Variants in KATNIP observed in about 807,000 individuals in gnomAD.
The protein encoded by KATNIP is katanin interacting protein, also known as katanin-interacting protein.
Under a neutral mutation model 174.0 loss-of-function variants are expected in KATNIP, and 126 were observed. That is an observed-to-expected ratio of 0.72 (90% confidence interval 0.63 to 0.84). The LOEUF is 0.84. KATNIP is among the 40% of genes least tolerant of loss of function. The pLI, the probability that KATNIP is intolerant of heterozygous loss-of-function variation, is 0.00. For synonymous variants in KATNIP, 810 were observed against 835.7 expected (o/e 0.97, Z 0.53); for missense variants, 1,958 against 2,109.7 (o/e 0.93, Z 1.41).
chr16:27,702,910 T>G (rs2079153249), intron 11 of KATNIP, among the ~76,000 whole-genome samples: 1 of 152,184 alleles, frequency 6.6e-6, no homozygotes. Context: ...CTCATGCCTG[T>G]AATCCCAGCA....
At chr16:27,556,678 T>C (rs374427479) in intron 1 of KATNIP, among the ~76,000 whole-genome samples, 3 of 152,222 alleles carry the variant, frequency 2.0e-5, no homozygotes, top group African/African-American at 4.8e-5. Flanking sequence ...AAGGTTTTGC[T>C]GAGAGTACAC....
At chr16:27,712,642 T>C (rs909469331) in intron 13 of KATNIP, among the ~76,000 whole-genome samples, 3 of 152,196 alleles carry the variant, frequency 2.0e-5, no homozygotes, top group Non-Finnish European at 4.4e-5. Flanking sequence ...TCCACCCTTC[T>C]GTGCCCGCAC....
chr16:27,692,803 C>T (rs1054287746), intron 8 of KATNIP, among the ~76,000 whole-genome samples: 3 of 152,220 alleles, frequency 2.0e-5, no homozygotes, highest in African/African-American at 7.2e-5. Flanking sequence ...AGAAAGTGTG[C>T]CCGTTCCTCC....
At chr16:27,587,776 A>G (rs1417294640) in intron 2 of KATNIP, among the ~76,000 whole-genome samples, 2 of 152,234 alleles carry the variant, frequency 1.3e-5, no homozygotes, top group African/African-American at 4.8e-5. Flanking sequence ...CTTGAAGTAC[A>G]GTTTCCACTG....
chr16:27,715,916 A>G (rs932846476), intron 13 of KATNIP, among the ~76,000 whole-genome samples: 1 of 152,128 alleles, frequency 6.6e-6, no homozygotes, highest in African/African-American at 2.4e-5. Flanking sequence ...AGGGTTACCC[A>G]TGACCTAGCA....
At chr16:27,553,947 TAG>T (rs1377447118) in intron 1 of KATNIP, among the ~76,000 whole-genome samples, 6 of 124,472 alleles carry the variant, frequency 4.8e-5, no homozygotes, top group African/African-American at 6.4e-5. Flanking sequence ...AGACCTTGTC[TAG>T]AGAGAGAGAG....
intron 8 of KATNIP, among the ~76,000 whole-genome samples, chr16:27,689,409 TAA>T (rs76417958): frequency 3.6e-5 from 5 of 140,376 alleles, no homozygotes; most frequent in Non-Finnish European, 6.3e-5. Context: ...AGACTCCGTC[TAA>T]AAAAAAAAAA....
intron 12 of KATNIP, among the ~76,000 whole-genome samples, chr16:27,706,155 C>G (rs1462265191): frequency 6.6e-6 from 1 of 152,228 alleles, no homozygotes; most frequent in East Asian, 1.9e-4. Context: ...AGCTCAGTCC[C>G]ACCCCCTGGA....
chr16:27,702,286 AG>A (rs1394366148), intron 11 of KATNIP, among the ~76,000 whole-genome samples: 1 of 152,178 alleles, frequency 6.6e-6, no homozygotes, highest in Non-Finnish European at 1.5e-5. Flanking sequence ...CAGCTGGTCT[AG>A]GGGGCGAGGT....
At chr16:27,741,041 C>G (rs1372494587) in intron 15 of KATNIP, 121 bp downstream of exon 15, 8 of 1,032,934 alleles carry the variant, frequency 7.7e-6, no homozygotes, top group Non-Finnish European at 1.1e-5. Context: ...TTGTTCTCAA[C>G]TAAGGGTCAC....
rs537068845 is a variant in KATNIP at position 27,567,569 on chromosome 16, G to A, written c.8-6332G>A. Among the ~76,000 whole-genome samples, 6 of 152,262 alleles carry A rather than the reference G, an allele frequency of 3.9e-5. No individual in the cohort carries two copies. The Middle Eastern group carries it at 0.017, about 432-fold the overall frequency. The stretch of plus-strand genomic sequence containing the variant: ...GAAGGAGTCTCCCTCTGTCACCCAG[G>A]CTGGAGTGCAGTGGCACGATCTTGA... On this transcript the variant is annotated intron_variant, in intron 1 of 27. Coordinates refer to ENST00000261588, the MANE Select transcript of KATNIP (RefSeq NM_015202.5).
At chr16:27,719,527 T>A (rs2080118309) in intron 13 of KATNIP, among the ~76,000 whole-genome samples, 1 of 151,772 alleles carries the variant, frequency 6.6e-6, no homozygotes, top group South Asian at 2.1e-4. Context: ...CCCGCCACCA[T>A]GCCCAACTAA....
intron 13 of KATNIP, among the ~76,000 whole-genome samples, chr16:27,713,836 A>ACACATAT (rs1567337147): frequency 6.5e-5 from 5 of 76,784 alleles, no homozygotes; most frequent in Admixed American, 1.4e-4. Context: ...ATATATATAT[A>ACACATAT]TATATATATA....
rs146578169 is a variant in KATNIP, at chr16:27,633,912, G to A, written c.408+2750G>A. Among the ~76,000 whole-genome samples the A allele has an allele frequency of 2.0e-3, 305 of 152,300 alleles. 3 individuals are homozygous for A. Among genetic ancestry groups the A allele is most frequent in the African/African-American group, 6.5e-3 (269 of 41,562 alleles). ...ATCTTCAAGTCATTGATTAACTGGGGAAGGGTGTCCCTGCCTGATCTCAGT... is the reference window on the plus strand; with the variant it reads ...ATCTTCAAGTCATTGATTAACTGGGAAAGGGTGTCCCTGCCTGATCTCAGT... On this transcript the variant is annotated intron_variant, in intron 5 of 27. Coordinates refer to ENST00000261588, the MANE Select transcript of KATNIP (RefSeq NM_015202.5).
intron 14 of KATNIP, among the ~76,000 whole-genome samples, chr16:27,737,810 T>C (rs374620630): frequency 6.6e-6 from 1 of 152,110 alleles, no homozygotes; most frequent in African/African-American, 2.4e-5. Flanking sequence ...CTGGACCCTG[T>C]AATTTACTTT....
In KATNIP at chr16:27,769,984, C is replaced by G; in HGVS notation, c.4099C>G (p.Leu1367Val). 2 of 1,614,154 alleles carry G rather than the reference C, an allele frequency of 1.2e-6. No homozygotes were observed. The highest frequency in any genetic ancestry group is 1.7e-6 in the Non-Finnish European group (2 of 1,179,950). The change falls in exon 21 of 28, where the codon CTA becomes GTA. Residue 1367 changes from leucine to valine, a missense_variant. By Grantham distance (32) the Leu-to-Val change is conservative (BLOSUM62 1). Coordinates refer to ENST00000261588, the MANE Select transcript of KATNIP (RefSeq NM_015202.5). ...TCAAGAAATCCTCTTCGTGGACTACCTACGGGCTCAGCTGCTGCCCCAGCC... is the reference window on the plus strand; with the variant it reads ...TCAAGAAATCCTCTTCGTGGACTACGTACGGGCTCAGCTGCTGCCCCAGCC... Reference protein sequence around the residue: ...FAQEILFVDYLRAQLLPQPAR... With the variant: ...FAQEILFVDYVRAQLLPQPAR...
intron 21 of KATNIP, among the ~76,000 whole-genome samples, chr16:27,771,277 G>A (rs1274019152): frequency 6.6e-6 from 1 of 152,162 alleles, no homozygotes; most frequent in Non-Finnish European, 1.5e-5. Context: ...CCGTGTTCCA[G>A]TTTCCTCATC....
chr16:27,670,331 A>C (rs2077850151), intron 6 of KATNIP, among the ~76,000 whole-genome samples: 2 of 152,192 alleles, frequency 1.3e-5, no homozygotes, highest in African/African-American at 2.4e-5. Flanking sequence ...AATGTGCATA[A>C]ATGCCTAGTA....
At chr16:27,651,408 C>CTTAAT (rs2077116970) in intron 6 of KATNIP, among the ~76,000 whole-genome samples, 1 of 151,270 alleles carries the variant, frequency 6.6e-6, no homozygotes, top group African/African-American at 2.4e-5. Context: ...AGGCAGAAGT[C>CTTAAT]TTAAGAGATG....
Sources: allele counts gnomAD v4.1 joint callset (sites outside exome capture counted in the v4.1 genomes callset), GRCh38; gene constraint gnomAD v4.1.1; transcripts MANE v1.5; gene names NCBI Gene and HGNC (gene_info 2026-07-23, HGNC 2026-07-21).